The following ZNF43 variants were observed in gnomAD, a reference collection of about 807,000 sequenced individuals.
ZNF43 encodes zinc finger protein 39-like 1 (KOX 27).
A neutral mutation model predicts 68.4 loss-of-function variants in ZNF43; 44 were observed. The observed-to-expected ratio is 0.64, with a 90% confidence interval of 0.51 to 0.83. ZNF43 has a LOEUF of 0.83. Ranked by LOEUF, ZNF43 falls within the 40% of genes least tolerant of loss-of-function variation. The probability of loss-of-function intolerance (pLI) is 0.00; values close to 1 mark genes in which losing one functional copy is unlikely to be tolerated. For synonymous variants in ZNF43, 308 were observed against 307.8 expected, an observed-to-expected ratio of 1.00 and a Z score of -0.01; for missense variants, 896 against 933.2, an observed-to-expected ratio of 0.96 and a Z score of 0.52.
chr19:21,817,806 G>T, intron 3 of ZNF43, 82 bp downstream of exon 3: 2 of 1,399,432 alleles, frequency 1.4e-6, no homozygotes, highest in Non-Finnish European at 2.0e-6. Flanking sequence ...AGCTTCCCAA[G>T]TCACATTTTA....
At chr19:21,826,654 G>A (rs1279518486) in intron 1 of ZNF43, 1 of 152,264 alleles carries the variant, frequency 6.6e-6, no homozygotes, top group Non-Finnish European at 1.5e-5. Flanking sequence ...TGGCCAACAT[G>A]GTGAAACCCC....
At chr19:21,841,735 C>G (rs1967547560) in intron 1 of ZNF43, 1 of 152,196 alleles carries the variant, frequency 6.6e-6, no homozygotes, top group African/African-American at 2.4e-5. Context: ...CACCTAGATA[C>G]AGAGTCCAGT....
At chr19:21,835,939 A>C (rs1290534968) in intron 1 of ZNF43, 97 bp downstream of exon 1, 2 of 1,597,806 alleles carry the variant, frequency 1.3e-6, no homozygotes, top group African/African-American at 2.7e-5. Context: ...GCTGGGCAAG[A>C]ACTCCGGCAC....
chr19:21,814,259 GACT>G (rs1398479727), intron 3 of ZNF43, among the ~76,000 whole-genome samples: 1 of 151,784 alleles, frequency 6.6e-6, no homozygotes, highest in Non-Finnish European at 1.5e-5. Flanking sequence ...CTATTTCCAT[GACT>G]ACTAACTTAG....
chr19:21,839,445 C>G (rs1049825274), upstream of ZNF43, among the ~76,000 whole-genome samples: 1 of 150,420 alleles, frequency 6.6e-6, no homozygotes, highest in Non-Finnish European at 1.5e-5. Context: ...AGTCACATCA[C>G]ATAAGTGCTT....
At chr19:21,845,044 G>A (rs1483981500) in intron 1 of ZNF43, among the ~76,000 whole-genome samples, 1 of 150,022 alleles carries the variant, frequency 6.7e-6, no homozygotes, top group Non-Finnish European at 1.5e-5. Context: ...TTTTTTGAGT[G>A]CAAGGACGAG....
intron 1 of ZNF43, among the ~76,000 whole-genome samples, chr19:21,825,275 G>A (rs2038059381): frequency 6.6e-6 from 1 of 152,014 alleles, no homozygotes; most frequent in Non-Finnish European, 1.5e-5. Flanking sequence ...AAGTTGTCAG[G>A]AAGTCTTATT....
rs189929021 is a variant in ZNF43, at chr19:21,813,462, T to A, written c.230-3655A>T. Among the ~76,000 whole-genome samples, 4 of 152,220 alleles carry A rather than the reference T, an allele frequency of 2.6e-5. No homozygotes were observed. The East Asian group carries it at 7.7e-4, about 29-fold the overall frequency. Reference sequence around the variant, plus strand: ...AAATACATCAAAAAATTAATATAGATCTACAATGTAATATTATTCAGCCTT... The same window carrying A: ...AAATACATCAAAAAATTAATATAGAACTACAATGTAATATTATTCAGCCTT... On this transcript the variant is annotated intron_variant, in intron 3 of 3. Transcript: ENST00000354959.
chr19:21,831,581 G>A lies in ZNF43; in HGVS notation c.3+4455C>T, dbSNP rs189776900. On this transcript the variant is annotated intron_variant, in intron 1 of 3. Coordinates refer to ENST00000354959, the MANE Select transcript of ZNF43 (RefSeq NM_003423.4). ...TCATCATGTTGGCCAGGCTGACCTC[G>A]AACTCCTGACCTTGTGATCCGCCCA... Among the ~76,000 whole-genome samples the A allele has an allele frequency of 3.1e-3, 465 of 152,070 alleles. 1 individual carries two copies. Among genetic ancestry groups the A allele is most frequent in the African/African-American group, 0.011 (446 of 41,494 alleles).
chr19:21,828,644 T>C (rs1330209272), intron 1 of ZNF43, among the ~76,000 whole-genome samples: 1 of 150,916 alleles, frequency 6.6e-6, no homozygotes, highest in East Asian at 2.0e-4. Context: ...TTGAACCCAG[T>C]AGGCGGAGGT....
upstream of ZNF43, chr19:21,840,945 C>G (rs771684804): frequency 6.6e-6 from 1 of 152,232 alleles, no homozygotes; most frequent in Non-Finnish European, 1.5e-5. Context: ...ACCATCTTAA[C>G]TGTTGTCACA....
chr19:21,826,063 T>C (rs2038106470), intron 1 of ZNF43, among the ~76,000 whole-genome samples: 1 of 151,906 alleles, frequency 6.6e-6, no homozygotes, highest in African/African-American at 2.4e-5. Flanking sequence ...AAATAAAAAA[T>C]AATAAATGAA....
upstream of ZNF43, among the ~76,000 whole-genome samples, chr19:21,837,415 CT>C (rs539940868): frequency 0.016 from 1,322 of 83,870 alleles, 3 homozygotes; most frequent in African/African-American, 0.067. Context: ...CCTACACTTA[CT>C]TTTTTTTTTT....
Position 21,817,924 on chromosome 19 carries a change from G to A in ZNF43, c.193C>T (p.Pro65Ser), listed in dbSNP as rs777417618. 3 of 1,613,018 alleles carry A rather than the reference G, an allele frequency of 1.9e-6. No homozygotes were observed. The South Asian group carries it at 3.3e-5, about 18-fold the overall frequency. The change falls in exon 3 of 4, where the codon CCT (proline) becomes TCT (serine). Residue 65 changes from proline (P) to serine (S), a missense_variant. Transcript: ENST00000354959. Reference sequence around the variant, plus strand: ...GCTACCATTTCATGTCTCCTCATAGGCTCCCAAGGCTCTTTTTCTTGCTCC... The same window carrying A: ...GCTACCATTTCATGTCTCCTCATAGACTCCCAAGGCTCTTTTTCTTGCTCC... ...CLEQEKEPWE[P>S]MRRHEMVAKP...
chr19:21,847,390 G>A (rs899694830), intron 1 of ZNF43, among the ~76,000 whole-genome samples: 1 of 152,172 alleles, frequency 6.6e-6, no homozygotes, highest in African/African-American at 2.4e-5. Context: ...GCAGAGACCA[G>A]GCAGGAGAAG....
At chr19:21,821,314 T>G (rs1395817468) in intron 1 of ZNF43, among the ~76,000 whole-genome samples, 2 of 151,960 alleles carry the variant, frequency 1.3e-5, no homozygotes, top group Non-Finnish European at 2.9e-5. Flanking sequence ...CCCTGCTATT[T>G]TTTTTGTATT....
At chr19:21,843,868 TAA>T (rs1967716155) in intron 1 of ZNF43, among the ~76,000 whole-genome samples, 1 of 152,198 alleles carries the variant, frequency 6.6e-6, no homozygotes, top group African/African-American at 2.4e-5. Flanking sequence ...GATTCACCTA[TAA>T]GAGTCAATTT....
intron 3 of ZNF43, among the ~76,000 whole-genome samples, chr19:21,815,712 T>C (rs201556020): frequency 4.1e-4 from 63 of 152,168 alleles, no homozygotes; most frequent in East Asian, 1.9e-4. Flanking sequence ...TAAATTCTAG[T>C]ATAATTGTCC....
intron 1 of ZNF43, among the ~76,000 whole-genome samples, chr19:21,834,033 G>A (rs115905722): frequency 1.7e-4 from 25 of 151,426 alleles, no homozygotes; most frequent in African/African-American, 4.8e-4. Context: ...ATCTTAAGGC[G>A]GGGCGGGGGA....
Sources: allele counts gnomAD v4.1 joint callset (sites outside exome capture counted in the v4.1 genomes callset), GRCh38; gene constraint gnomAD v4.1.1; transcripts MANE v1.5; gene names NCBI Gene and HGNC (gene_info 2026-07-23, HGNC 2026-07-21).